The following CTXN2 variants were observed in gnomAD, a reference collection of about 807,000 sequenced individuals.
CTXN2 encodes the protein cortexin 2, also known as cortexin-2.
In CTXN2, 3 loss-of-function variants were observed where a neutral mutation model predicts 5.7. The ratio of observed to expected loss-of-function variants is 0.53; its 90% CI spans 0.24 to 1.36. The LOEUF (loss-of-function observed/expected upper bound fraction) is 1.36, where lower values mean the gene tolerates loss of function less well. Ranked by LOEUF, CTXN2 falls within the 40% of genes most tolerant of loss-of-function variation. The pLI, the probability that CTXN2 is intolerant of heterozygous loss-of-function variation, is 0.17. For synonymous variants in CTXN2, 38 were observed against 36.4 expected (o/e 1.04, Z -0.16); for missense variants, 87 against 93.0 (o/e 0.94, Z 0.26).
upstream of CTXN2, chr15:48,191,075 G>A (rs1028542829): frequency 1.3e-5 from 2 of 152,390 alleles, no homozygotes; most frequent in Admixed American, 1.3e-4. Flanking sequence ...GAAACGGAAG[G>A]GGATTCAGTT....
upstream of CTXN2, among the ~76,000 whole-genome samples, chr15:48,188,036 TA>T (rs1196793111): frequency 6.6e-6 from 1 of 152,080 alleles, no homozygotes; most frequent in Non-Finnish European, 1.5e-5. Context: ...CTATTTAGAA[TA>T]AATTTATAAA....
chr15:48,183,903 T>C (rs1213257947), intron 1 of CTXN2, among the ~76,000 whole-genome samples: 2 of 152,198 alleles, frequency 1.3e-5, no homozygotes, highest in Non-Finnish European at 2.9e-5. Context: ...CTCTGAATAT[T>C]TCTGGAAACT....
chr15:48,195,970 G>A (rs2040875598), intron 1 of CTXN2, among the ~76,000 whole-genome samples: 2 of 152,064 alleles, frequency 1.3e-5, no homozygotes, highest in African/African-American at 4.8e-5. Flanking sequence ...AGGAGTGCAT[G>A]TCTACTAGAG....
rs577056195 is a variant in CTXN2, at chr15:48,193,357, T to G, written c.-58+1504T>G. ...TTTTAATCATTATATATATTGATCC[T>G]GATATTTAAACTGTGCATTGTTTAT... On this transcript the variant is annotated intron_variant, in intron 1 of 1. Coordinates refer to ENST00000417307, the MANE Select transcript of CTXN2 (RefSeq NM_001145668.2). Among the ~76,000 whole-genome samples, 5 of 151,176 alleles carry G rather than the reference T, an allele frequency of 3.3e-5. No homozygotes were observed. The South Asian group carries it at 1.1e-3, about 32-fold the overall frequency.
chr15:48,195,571 T>C (rs1197440166), intron 1 of CTXN2, among the ~76,000 whole-genome samples: 2 of 152,126 alleles, frequency 1.3e-5, no homozygotes, highest in East Asian at 3.8e-4. Context: ...AAAAATCCAG[T>C]ATTTTTCTGC....
chr15:48,179,759 CTA>C (rs1202906724), intron 1 of CTXN2, among the ~76,000 whole-genome samples: 1 of 152,218 alleles, frequency 6.6e-6, no homozygotes, highest in Non-Finnish European at 1.5e-5. Context: ...TTACAATTCT[CTA>C]TCTCCCTAAG....
upstream of CTXN2, among the ~76,000 whole-genome samples, chr15:48,190,321 A>T (rs896542355): frequency 2.6e-5 from 4 of 152,208 alleles, no homozygotes; most frequent in African/African-American, 9.7e-5. Context: ...TGGCAAGTTT[A>T]AAAAGGGTCA....
chr15:48,190,401 GTTCACCTACA>G (rs1369260723), upstream of CTXN2, among the ~76,000 whole-genome samples: 1 of 152,184 alleles, frequency 6.6e-6, no homozygotes, highest in Non-Finnish European at 1.5e-5. Context: ...AGGGCAGTTA[GTTCACCTACA>G]TTTTAGGACA....
intron 1 of CTXN2, 35 bp from the exon 2 acceptor site, chr15:48,201,209 G>T: frequency 1.5e-6 from 2 of 1,348,064 alleles, no homozygotes; most frequent in South Asian, 1.4e-5. Context: ...TACCATACAA[G>T]GGTAAAACTA....
intron 1 of CTXN2, among the ~76,000 whole-genome samples, chr15:48,198,185 G>C (rs2040896897): frequency 6.6e-6 from 1 of 152,042 alleles, no homozygotes; most frequent in Non-Finnish European, 1.5e-5. Flanking sequence ...AAATTTGATA[G>C]AAAAGAACAA....
At chr15:48,192,086 G>A (rs979293758) in intron 1 of CTXN2, 17 of 303,308 alleles carry the variant, frequency 5.6e-5, no homozygotes, top group Non-Finnish European at 4.6e-5. Context: ...GCTGCCAGGC[G>A]GGGGAAAAGT....
chr15:48,179,060 G>A (rs1355379312), intron 1 of CTXN2, among the ~76,000 whole-genome samples: 1 of 151,580 alleles, frequency 6.6e-6, no homozygotes, highest in Non-Finnish European at 1.5e-5. Context: ...TTAGTTATAC[G>A]CTCTCAAATT....
intron 1 of CTXN2, among the ~76,000 whole-genome samples, chr15:48,183,827 C>G (rs926897737): frequency 6.6e-6 from 1 of 152,212 alleles, no homozygotes; most frequent in Non-Finnish European, 1.5e-5. Flanking sequence ...ACAGTCCCAA[C>G]GTTACAGAGC....
intron 1 of CTXN2, among the ~76,000 whole-genome samples, chr15:48,200,936 GCTAT>G (rs2040923069): frequency 6.6e-6 from 1 of 152,144 alleles, no homozygotes; most frequent in Admixed American, 6.6e-5. Flanking sequence ...CAAAGAAGCA[GCTAT>G]CTAACTGTCT....
At chr15:48,201,208 A>T (rs1256496743) in intron 1 of CTXN2, 36 bp from the exon 2 acceptor site, 2 of 1,332,168 alleles carry the variant, frequency 1.5e-6, no homozygotes, top group Admixed American at 4.4e-5. Flanking sequence ...ATACCATACA[A>T]GGGTAAAACT....
chr15:48,202,905 T>C lies in CTXN2; in HGVS notation c.*1359T>C, dbSNP rs1465118421. On this transcript the variant is annotated 3_prime_UTR_variant, in exon 2 of 2. Coordinates refer to ENST00000417307, the MANE Select transcript of CTXN2 (RefSeq NM_001145668.2). ...ATAGCAGGAGATAAATACAAAAATA[T>C]TTATGTCCTTTGAAAACACAGAACT... is the stretch of plus-strand genomic sequence containing the variant. The C allele has an allele frequency of 6.1e-6, 1 of 165,168 alleles. No homozygotes were observed. Among genetic ancestry groups the C allele is most frequent in the Non-Finnish European group, 1.5e-5 (1 of 68,090 alleles). The allele number at this position is 165,168 out of a possible 1,614,324, so 10.2% of individuals were successfully genotyped here. A position where few individuals can be genotyped will look rare whatever the true frequency, so the allele number is the denominator to read the frequency against.
At chr15:48,187,149 A>G (rs973775038), upstream of CTXN2, among the ~76,000 whole-genome samples, 2 of 151,834 alleles carry the variant, frequency 1.3e-5, no homozygotes, top group African/African-American at 4.8e-5. Context: ...TTTCAAAATC[A>G]TTCTTATTCC....
At chr15:48,186,033 A>G (rs982326581) in intron 1 of CTXN2, among the ~76,000 whole-genome samples, 3 of 152,206 alleles carry the variant, frequency 2.0e-5, no homozygotes, top group Admixed American at 6.5e-5. Flanking sequence ...TTGTTTCTCT[A>G]TCTTTAGCAG....
At chr15:48,183,976 C>G (rs1258276496) in intron 1 of CTXN2, among the ~76,000 whole-genome samples, 1 of 152,200 alleles carries the variant, frequency 6.6e-6, no homozygotes, top group Non-Finnish European at 1.5e-5. Flanking sequence ...GCTTTGAGCA[C>G]TATCTAAAGT....
Sources: gnomAD v4.1 joint callset for allele counts (sites outside exome capture counted in the v4.1 genomes callset) on GRCh38, gnomAD v4.1.1 for gene constraint, MANE v1.5 for transcripts, NCBI Gene and HGNC (gene_info 2026-07-23, HGNC 2026-07-21) for gene names.